RENBP: variants seen among roughly 807,000 people sequenced by gnomAD.
The protein encoded by RENBP is renin binding protein.
In RENBP, 16 loss-of-function variants were observed where a neutral mutation model predicts 37.8. The ratio of observed to expected loss-of-function variants is 0.42; its 90% CI spans 0.29 to 0.64. The LOEUF is 0.64. RENBP is among the 30% of genes least tolerant of loss of function. The probability of loss-of-function intolerance (pLI) is 0.19; values close to 1 mark genes in which losing one functional copy is unlikely to be tolerated. For missense variants in RENBP, 347 were observed against 379.5 expected, an observed-to-expected ratio of 0.91 and a Z score of 0.71; for synonymous variants, 170 against 154.8, an observed-to-expected ratio of 1.10 and a Z score of -0.73.
At chrX:153,940,051 C>A (rs781843052) in intron 9 of RENBP, 51 bp downstream of exon 9, 2 of 1,192,533 alleles carry the variant, frequency 1.7e-6, no homozygotes, top group Middle Eastern at 2.4e-4. Flanking sequence ...GGGCCAGACT[C>A]CCCCCATTCC....
At chrX:153,943,353 A>C (rs1207599540) in intron 5 of RENBP, among the ~76,000 whole-genome samples, 193 bp downstream of exon 5, 1 of 112,305 alleles carries the variant, frequency 8.9e-6, no homozygotes, top group East Asian at 2.8e-4. Flanking sequence ...GCCTTTTCCC[A>C]GTTGGGGGCA....
chrX:153,938,329 T>C (rs2065211652), intron 9 of RENBP, among the ~76,000 whole-genome samples: 1 of 112,215 alleles, frequency 8.9e-6, no homozygotes, highest in African/African-American at 3.2e-5. Context: ...TTGCCTCCAC[T>C]CATAATGGCA....
intron 9 of RENBP, among the ~76,000 whole-genome samples, chrX:153,939,885 T>G (rs781885682): frequency 2.7e-5 from 3 of 109,216 alleles, no homozygotes; most frequent in Non-Finnish European, 5.7e-5. Context: ...CACCTAGGTC[T>G]GCTTGCTTAC....
chrX:153,935,798 T>A (rs1203655563), intron 9 of RENBP, among the ~76,000 whole-genome samples: 2 of 112,719 alleles, frequency 1.8e-5, no homozygotes, highest in Non-Finnish European at 3.8e-5. Context: ...GAGACACTGC[T>A]AGATGGAATG....
At chrX:153,941,449 G>A (rs73640842) in intron 8 of RENBP, 29 bp downstream of exon 8, 20,127 of 1,203,319 alleles carry the variant, frequency 0.017, 688 homozygotes, top group African/African-American at 0.14. Context: ...AACAGCGTGG[G>A]TCACACATGG....
chrX:153,941,594 C>T lies in RENBP; in HGVS notation c.829G>A (p.Glu277Lys), dbSNP rs201880033. ...TTGTCAATCACGTGGGCTCGAAGTT[C>T]GGGGTCGCCTTTCCGAATGCAATGA... Reference protein sequence around the residue: ...LRHCIRKGDPELRAHVIDKFL... With the variant: ...LRHCIRKGDPKLRAHVIDKFL... Residue 277 changes from glutamate (E) to lysine (K), a missense_variant, in exon 8 of 11, where the codon GAA (glutamate) becomes AAA (lysine). Physicochemically the swap from Glu to Lys is moderately conservative, Grantham distance 56. This residue lies in a region of RENBP where 244 missense variants were observed against 279.4 expected (regional missense o/e 0.87). Coordinates refer to ENST00000393700, the MANE Select transcript of RENBP (RefSeq NM_002910.6). 22 of 1,204,035 alleles carry T rather than the reference C, an allele frequency of 1.8e-5. No individual in the cohort carries two copies. The highest frequency in any genetic ancestry group is 3.0e-5 in the East Asian group (1 of 33,522).
In RENBP at chrX:153,935,357, C is replaced by G. The variant is rs781792536; in HGVS notation, c.1213G>C (p.Gly405Arg). The G allele has an allele frequency of 1.8e-6, 2 of 1,115,094 alleles. No individual in the cohort carries two copies. Among genetic ancestry groups the G allele is most frequent in the Non-Finnish European group, 2.4e-6 (2 of 848,281 alleles). The allele number at this position is 1,115,094 out of a possible 1,213,427, so 91.9% of individuals were successfully genotyped here. The part of the protein sequence containing the change: ...RCLAMCEEML[G>R]ALLSRPAPAP... ...GGGGCGGGGCGGCTCAGCAGGGCGC[C>G]CAGCATCTCCTCGCACATGGCTAGG... Residue 405 changes from glycine (G) to arginine (R), a missense_variant, in exon 11 of 11, where the codon GGC (glycine) becomes CGC (arginine). By Grantham distance (125) the Gly-to-Arg change is moderately radical. Around this residue, in one of 3 missense-constraint regions of RENBP, gnomAD observed 91 missense variants for 67.7 expected, o/e 1.34. Transcript: ENST00000393700.
At chrX:153,941,348 G>T in intron 8 of RENBP, 130 bp downstream of exon 8, 1 of 634,373 alleles carries the variant, frequency 1.6e-6, no homozygotes, top group Non-Finnish European at 2.4e-6. Flanking sequence ...TGTAACACTG[G>T]CACAGAAGCT....
chrX:153,940,807 C>T (rs1557109379), intron 8 of RENBP, among the ~76,000 whole-genome samples: 1 of 111,766 alleles, frequency 8.9e-6, no homozygotes, highest in Non-Finnish European at 1.9e-5. Flanking sequence ...CATGAATAAT[C>T]CACCCCTTGT....
At chrX:153,941,836 G>A (rs1239551731) in intron 7 of RENBP, 114 bp downstream of exon 7, 2 of 790,717 alleles carry the variant, frequency 2.5e-6, no homozygotes, top group East Asian at 3.2e-5. Context: ...GCCCATCCTC[G>A]CTCCTCTGCC....
intron 9 of RENBP, among the ~76,000 whole-genome samples, chrX:153,936,505 C>CAA (rs782037368): frequency 0.025 from 892 of 35,627 alleles, 26 homozygotes; most frequent in African/African-American, 0.069. Flanking sequence ...GACTCCGTCT[C>CAA]AAAAAAAAAA....
intron 9 of RENBP, among the ~76,000 whole-genome samples, chrX:153,937,486 G>A (rs2065208530): frequency 9.0e-6 from 1 of 110,666 alleles, no homozygotes; most frequent in Non-Finnish European, 1.9e-5. Context: ...CACCCAGACT[G>A]GATGGAGTGC....
chrX:153,944,190 G>A (rs1557110175), intron 2 of RENBP, 35 bp from the exon 3 acceptor site: 1 of 1,191,642 alleles, frequency 8.4e-7, no homozygotes. Flanking sequence ...GTCTGGAACG[G>A]GCCTTGCCAG....
Position 153,935,362 on chromosome X carries a change from A to G in RENBP, c.1208T>C (p.Met403Thr), listed in dbSNP as rs1259087249. ...GGGGCGGCTCAGCAGGGCGCCCAGC[A>G]TCTCCTCGCACATGGCTAGGCACCG... is the stretch of plus-strand genomic sequence containing the variant. ...VPRCLAMCEE[M>T]LGALLSRPAP... The change falls in exon 11 of 11, where the codon ATG (methionine) becomes ACG (threonine). Residue 403 changes from methionine (M) to threonine (T), a missense_variant. By Grantham distance (81) the Met-to-Thr change is moderately conservative. Coordinates refer to ENST00000393700, the MANE Select transcript of RENBP (RefSeq NM_002910.6). 1 of 1,120,262 alleles carries G rather than the reference A, an allele frequency of 8.9e-7. No individual in the cohort carries two copies. Among genetic ancestry groups the G allele is most frequent in the South Asian group, 2.2e-5 (1 of 45,377 alleles). The allele number at this position is 1,120,262 out of a possible 1,213,427, so 92.3% of individuals were successfully genotyped here.
At chrX:153,936,170 A>C (rs2065200387) in intron 9 of RENBP, 1 of 114,974 alleles carries the variant, frequency 8.7e-6, no homozygotes, top group Non-Finnish European at 1.8e-5. Context: ...CAAACAAAAA[A>C]GTTCTCTATT....
intron 9 of RENBP, among the ~76,000 whole-genome samples, chrX:153,936,632 C>A (rs782347241): frequency 9.0e-6 from 1 of 111,162 alleles, no homozygotes; most frequent in South Asian, 3.8e-4. Context: ...GGCCTGTCTT[C>A]CAGTAGATGC....
In RENBP at chrX:153,940,138, G is replaced by C. The variant is rs781983248; in HGVS notation, c.1041C>G (p.Arg347=). Residue 347 remains arginine, a synonymous_variant, in exon 9 of 11, where the codon CGC becomes CGG. Transcript: ENST00000393700. ...TGTACTCAGCCACTTGGTAGAAGAG[G>C]CGCAGCAGCACAGGGTCCCCACTGT... The part of the protein sequence containing the change: ...YSDSGDPVLL[R]LFYQVAEYTF... The C allele has an allele frequency of 3.6e-5, 44 of 1,209,074 alleles. 1 individual carries two copies. In the Middle Eastern group the frequency reaches 3.9e-3, roughly 107 times the overall value.
chrX:153,936,581 TAAG>T (rs1158815744), intron 9 of RENBP, among the ~76,000 whole-genome samples: 1 of 110,247 alleles, frequency 9.1e-6, no homozygotes, highest in Non-Finnish European at 1.9e-5. Flanking sequence ...ATGAAACTCT[TAAG>T]AAGTGACTCC....
Position 153,944,603 on chromosome X carries a change from T to C in RENBP, c.8A>G (p.Lys3Arg). Residue 3 changes from lysine to arginine, a missense_variant, in exon 1 of 11, where the codon AAG becomes AGG. Physicochemically the swap from Lys to Arg is conservative, Grantham distance 26. Around this residue, in one of 3 missense-constraint regions of RENBP, gnomAD observed 244 missense variants for 279.4 expected, o/e 0.87. Transcript: ENST00000393700. ...ACTGGCCTGTCGCGCTGGGAGACCCTTGCTCATCCCTCCTGCTCCTCTAGG... is the reference window on the plus strand; with the variant it reads ...ACTGGCCTGTCGCGCTGGGAGACCCCTGCTCATCCCTCCTGCTCCTCTAGG... Reference protein sequence around the residue: MSKGLPARQDMEK... With the variant: MSRGLPARQDMEK... 8.6e-7 allele frequency: 1 copy of C among 1,167,301 alleles called. No homozygotes were observed. Among genetic ancestry groups the C allele is most frequent in the South Asian group, 1.9e-5 (1 of 52,828 alleles).
Sources: gnomAD v4.1 joint callset for allele counts (sites outside exome capture counted in the v4.1 genomes callset) on GRCh38, gnomAD v4.1.1 for gene constraint, gnomAD v4.1.1 regional missense constraint, MANE v1.5 for transcripts, NCBI Gene and HGNC (gene_info 2026-07-23, HGNC 2026-07-21) for gene names.